The following BNC1 variants were observed in gnomAD, a reference collection of about 807,000 sequenced individuals.
The protein encoded by BNC1 is zinc finger protein basonuclin-1.
BNC1 carries 8 observed loss-of-function variants against 66.5 expected under a neutral mutation model. That is an observed-to-expected ratio of 0.12 (90% confidence interval 0.07 to 0.22). BNC1 has a LOEUF of 0.22. Ranked by LOEUF, BNC1 falls within the 10% of genes least tolerant of loss-of-function variation. The pLI is 1.00. For synonymous variants in BNC1, 454 were observed against 452.6 expected, an observed-to-expected ratio of 1.00 and a Z score of -0.04; for missense variants, 1,069 against 1,241.3, an observed-to-expected ratio of 0.86 and a Z score of 2.09.
intron 1 of BNC1, among the ~76,000 whole-genome samples, chr15:83,271,632 A>G (rs2038270574): frequency 6.6e-6 from 1 of 152,202 alleles, no homozygotes; most frequent in Non-Finnish European, 1.5e-5. Context: ...CTATGTATAA[A>G]CACAGATGTA....
Position 83,264,485 on chromosome 15 carries a change from G to C in BNC1, c.766C>G (p.Leu256Val). 1 of 1,614,162 alleles carries C rather than the reference G, an allele frequency of 6.2e-7. No homozygotes were observed. The change falls in exon 4 of 5, where the codon CTG becomes GTG. Residue 256 changes from leucine (L) to valine (V), a missense_variant. Physicochemically the swap from Leu to Val is conservative, Grantham distance 32. Around this residue, in one of 7 missense-constraint regions of BNC1, gnomAD observed 181 missense variants for 181.5 expected, o/e 1.00. Coordinates refer to ENST00000345382, the MANE Select transcript of BNC1 (RefSeq NM_001717.4). ...TATTGTTCGGGCAATGACCCTATCA[G>C]TGCAGGAGGCAGAGGGTTGAAGAAC... ...FQFFNPLPPA[L>V]IGSLPEQYML...
chr15:83,269,908 C>T (rs1405661401), intron 1 of BNC1, among the ~76,000 whole-genome samples: 1 of 152,180 alleles, frequency 6.6e-6, no homozygotes, highest in Non-Finnish European at 1.5e-5. Flanking sequence ...TAATGAAATA[C>T]TGATACATGC....
At chr15:83,277,356 C>A (rs1166514346) in intron 1 of BNC1, among the ~76,000 whole-genome samples, 1 of 152,176 alleles carries the variant, frequency 6.6e-6, no homozygotes, top group South Asian at 2.1e-4. Context: ...GTCGCCCAGG[C>A]TGGAGTGCTG....
Position 83,264,285 on chromosome 15 carries a change from G to A in BNC1, c.966C>T (p.Asp322=), listed in dbSNP as rs780478721. The change falls in exon 4 of 5, where the codon GAC becomes GAT. Residue 322 remains aspartate (D), a synonymous_variant. Transcript: ENST00000345382. ...TKKEDSTHLS[D]SSSYNIVTKF... ...TAGTGACAATGTTGTATGAGCTGGA[G>A]TCACTTAAATGGGTGCTGTCTTCTT... The A allele has an allele frequency of 2.5e-6, 4 of 1,614,186 alleles. No individual in the cohort carries two copies. The highest frequency in any genetic ancestry group is 3.4e-6 in the Non-Finnish European group (4 of 1,180,042).
Position 83,257,557 on chromosome 15 carries a change from T to A in BNC1, c.2870A>T (p.Lys957Ile). Residue 957 changes from lysine (K) to isoleucine (I), a missense_variant, in exon 5 of 5, where the codon AAA becomes ATA. Around this residue, in one of 7 missense-constraint regions of BNC1, gnomAD observed 657 missense variants for 715.8 expected, o/e 0.92. Transcript: ENST00000345382. ...GGTGTTGCAGCCTGGTACTTTGCAT[T>A]TGTGGAGCTGCCGGAGGTGCACAGT... ...YKTVHLRQLH[K>I]CKVPGCNTMF... is the part of the protein sequence containing the mutation. 6.2e-7 allele frequency: 1 copy of A among 1,614,102 alleles called. No homozygotes were observed. Among genetic ancestry groups the A allele is most frequent in the Non-Finnish European group, 8.5e-7 (1 of 1,180,022 alleles).
chr15:83,283,249 T>C, intron 1 of BNC1: 2 of 1,535,452 alleles, frequency 1.3e-6, no homozygotes, highest in Non-Finnish European at 8.7e-7. Context: ...CGCTGATTAA[T>C]ATCAGATCTC....
chr15:83,275,827 C>A (rs2038315974), intron 1 of BNC1, among the ~76,000 whole-genome samples: 1 of 151,650 alleles, frequency 6.6e-6, no homozygotes, highest in African/African-American at 2.4e-5. Flanking sequence ...TGTCAGAGAC[C>A]ACTGTGCATA....
chr15:83,269,171 C>T (rs989632149), intron 1 of BNC1, among the ~76,000 whole-genome samples: 1 of 152,190 alleles, frequency 6.6e-6, no homozygotes, highest in Admixed American at 6.5e-5. Context: ...TTGCAGTGAG[C>T]CAAGATCACA....
intron 1 of BNC1, among the ~76,000 whole-genome samples, chr15:83,272,982 G>C (rs11852287): frequency 0.25 from 38,616 of 151,976 alleles, 5,296 homozygotes; most frequent in African/African-American, 0.35. Context: ...ATGCCCTTGG[G>C]GGGGGGCCTA....
At chr15:83,281,107 C>A (rs1486379689) in intron 1 of BNC1, among the ~76,000 whole-genome samples, 1 of 152,176 alleles carries the variant, frequency 6.6e-6, no homozygotes, top group Non-Finnish European at 1.5e-5. Context: ...CAAGTCTGTT[C>A]TCTGTTTATA....
chr15:83,284,152 T>C (rs2038417056), intron 1 of BNC1, among the ~76,000 whole-genome samples: 2 of 151,498 alleles, frequency 1.3e-5, no homozygotes, highest in South Asian at 4.2e-4. Flanking sequence ...CAGCAAGTCC[T>C]AACGTCCTGG....
chr15:83,262,067 G>A (rs1471748593), intron 4 of BNC1, among the ~76,000 whole-genome samples: 1 of 41,192 alleles, frequency 2.4e-5, no homozygotes, highest in Non-Finnish European at 5.2e-5. Context: ...TTTTTTTTTT[G>A]AGACAGAGTC....
chr15:83,283,197 T>G (rs1018077521), intron 1 of BNC1: 40 of 1,535,512 alleles, frequency 2.6e-5, no homozygotes, highest in Admixed American at 5.9e-5. Flanking sequence ...GAGAAGAACA[T>G]GTTTCTACAC....
At chr15:83,280,434 C>T (rs2038366307) in intron 1 of BNC1, among the ~76,000 whole-genome samples, 2 of 152,208 alleles carry the variant, frequency 1.3e-5, no homozygotes, top group African/African-American at 4.8e-5. Flanking sequence ...ATAAGCAATG[C>T]AACTTCACTA....
intron 4 of BNC1, among the ~76,000 whole-genome samples, chr15:83,259,029 T>C (rs949865016): frequency 6.6e-5 from 10 of 152,246 alleles, no homozygotes; most frequent in South Asian, 2.1e-4. Flanking sequence ...GTTTAGTTCA[T>C]ATTTGTAACG....
At position 83,263,050 on chromosome 15, in the gene BNC1, C is replaced by T. The variant is rs756947391; in HGVS notation, c.2201G>A (p.Ser734Asn). ...ICKKTFKNAC[S>N]VKIHHKNMHV... is the part of the protein sequence containing the mutation. ...CATATTCTTGTGATGAATTTTCACACTACAAGCATTTTTAAAGGTCTTCTT... is the reference window on the plus strand; with the variant it reads ...CATATTCTTGTGATGAATTTTCACATTACAAGCATTTTTAAAGGTCTTCTT... The change falls in exon 4 of 5, where the codon AGT (serine) becomes AAT (asparagine). Residue 734 changes from serine (S) to asparagine (N), a missense_variant. This residue lies in a region of BNC1 where 657 missense variants were observed against 715.8 expected (regional missense o/e 0.92). Coordinates refer to ENST00000345382, the MANE Select transcript of BNC1 (RefSeq NM_001717.4). The T allele has an allele frequency of 1.9e-6, 3 of 1,614,206 alleles. No individual in the cohort carries two copies. The East Asian group carries it at 6.7e-5, about 36-fold the overall frequency.
Position 83,256,578 on chromosome 15 carries a change from A to G in BNC1, c.*864T>C, listed in dbSNP as rs2038076252. On this transcript the variant is annotated 3_prime_UTR_variant, in exon 5 of 5. Coordinates refer to ENST00000345382, the MANE Select transcript of BNC1 (RefSeq NM_001717.4). ...CATGCTTGCATTCATTCCACAGGTGACCAAAAAGAACAGAGTTTGAAGTTC... is the reference window on the plus strand; with the variant it reads ...CATGCTTGCATTCATTCCACAGGTGGCCAAAAAGAACAGAGTTTGAAGTTC... 1 of 152,270 alleles carries G rather than the reference A, an allele frequency of 6.6e-6. No homozygotes were observed. Among genetic ancestry groups the G allele is most frequent in the South Asian group, 2.1e-4 (1 of 4,834 alleles). The allele number at this position is 152,270 out of a possible 1,614,324, so 9.4% of individuals were successfully genotyped here.
In BNC1 at chr15:83,256,617, G is replaced by A. The variant is rs917893573; in HGVS notation, c.*825C>T. 6 of 152,184 alleles carry A rather than the reference G, an allele frequency of 3.9e-5. No individual in the cohort carries two copies. The highest frequency in any genetic ancestry group is 8.8e-5 in the Non-Finnish European group (6 of 68,038). 9.4% of individuals were successfully genotyped at this position (152,184 alleles called of 1,614,324 possible). ...AGTTTGAAGTTCACCAAATGAAAAC[G>A]AGCAGTGATTTTGACATTTAGGTCA... is the stretch of plus-strand genomic sequence containing the variant. On this transcript the variant is annotated 3_prime_UTR_variant, in exon 5 of 5. Coordinates refer to ENST00000345382, the MANE Select transcript of BNC1 (RefSeq NM_001717.4).
At chr15:83,278,353 A>G (rs2038346977) in intron 1 of BNC1, among the ~76,000 whole-genome samples, 1 of 152,252 alleles carries the variant, frequency 6.6e-6, no homozygotes, top group Non-Finnish European at 1.5e-5. Flanking sequence ...CCAGTGTCTG[A>G]CACTAGGGAA....
Sources: allele counts gnomAD v4.1 joint callset (sites outside exome capture counted in the v4.1 genomes callset), GRCh38; gene constraint gnomAD v4.1.1; regional missense constraint gnomAD v4.1.1; transcripts MANE v1.5; gene names NCBI Gene and HGNC (gene_info 2026-07-23, HGNC 2026-07-21).